The following CEP135 variants were observed in gnomAD, a reference collection of about 807,000 sequenced individuals.
CEP135 encodes the protein centrosomal protein 135, also known as centrosomal protein of 135 kDa.
Under a neutral mutation model 157.3 loss-of-function variants are expected in CEP135, and 142 were observed. The ratio of observed to expected loss-of-function variants is 0.90; its 90% confidence interval spans 0.79 to 1.04. The LOEUF is 1.04. Among genes scored for constraint, CEP135 ranks in the 50% least tolerant of loss-of-function variants. CEP135 has a pLI of 0.00. For missense variants in CEP135, 1,317 were observed against 1,309.2 expected (o/e 1.01, Z -0.09); for synonymous variants, 396 against 439.8 (o/e 0.90, Z 1.25).
At chr4:56,025,833 A>G (rs1731140644) in intron 25 of CEP135, among the ~76,000 whole-genome samples, 1 of 152,048 alleles carries the variant, frequency 6.6e-6, no homozygotes, top group Non-Finnish European at 1.5e-5. Flanking sequence ...GAAAGGTACC[A>G]TATCATAGAT....
intron 17 of CEP135, among the ~76,000 whole-genome samples, chr4:56,002,049 G>T (rs566945298): frequency 6.6e-6 from 1 of 152,060 alleles, no homozygotes; most frequent in African/African-American, 2.4e-5. Flanking sequence ...TTTTCAGATT[G>T]CTGGTGGAGT....
chr4:55,985,119 T>C (rs1450048631), intron 13 of CEP135, among the ~76,000 whole-genome samples, 162 bp from the exon 14 acceptor site: 1 of 152,224 alleles, frequency 6.6e-6, no homozygotes, highest in African/African-American at 2.4e-5. Context: ...ACCAAAAACA[T>C]CATTTTTGTA....
intron 10 of CEP135, among the ~76,000 whole-genome samples, chr4:55,972,123 C>G (rs1284950996): frequency 6.6e-6 from 1 of 151,892 alleles, no homozygotes; most frequent in African/African-American, 2.4e-5. Flanking sequence ...GCACTCCAGC[C>G]TGGGTGACAG....
intron 24 of CEP135, among the ~76,000 whole-genome samples, chr4:56,023,996 T>C (rs1274510027): frequency 2.8e-5 from 4 of 142,360 alleles, no homozygotes; most frequent in Non-Finnish European, 4.5e-5. Context: ...TTGTATGTTA[T>C]ATATTTATAA....
chr4:56,008,224 A>G (rs980297006), intron 17 of CEP135, 103 bp from the exon 18 acceptor site: 21 of 772,566 alleles, frequency 2.7e-5, no homozygotes, highest in Non-Finnish European at 4.3e-5. Context: ...CATACTTTAT[A>G]TAATTGAGCT....
intron 17 of CEP135, among the ~76,000 whole-genome samples, chr4:56,000,674 C>G (rs1317294861): frequency 2.0e-5 from 3 of 152,208 alleles, no homozygotes; most frequent in African/African-American, 7.2e-5. Context: ...GCATTTCATT[C>G]ATTTTCATGG....
Position 55,969,296 on chromosome 4 carries a change from G to A in CEP135, c.1110+168G>A, listed in dbSNP as rs565897275. Among the ~76,000 whole-genome samples the A allele has an allele frequency of 5.9e-5, 9 of 152,028 alleles. No individual in the cohort carries two copies. The East Asian group carries it at 1.2e-3, about 20-fold the overall frequency. ...ACAAAAATTAGCTGGGAGTGGTGGC[G>A]CATGCCTGTAATCCCTGCTACTTGG... On this transcript the variant is annotated intron_variant, in intron 9 of 25. Transcript: ENST00000257287.
intron 11 of CEP135, among the ~76,000 whole-genome samples, chr4:55,976,186 C>T (rs1729207732): frequency 2.0e-5 from 3 of 148,826 alleles, no homozygotes; most frequent in Admixed American, 6.8e-5. Context: ...CCCAGGAGTT[C>T]GAGGCTGCAG....
At chr4:56,005,995 C>CTCT (rs1378866143) in intron 17 of CEP135, among the ~76,000 whole-genome samples, 2 of 151,888 alleles carry the variant, frequency 1.3e-5, no homozygotes, top group African/African-American at 4.8e-5. Flanking sequence ...ATTTGCTTTT[C>CTCT]TCTTCTTGCT....
intron 15 of CEP135, among the ~76,000 whole-genome samples, chr4:55,997,155 C>T (rs928981869): frequency 6.6e-6 from 1 of 152,202 alleles, no homozygotes; most frequent in African/African-American, 2.4e-5. Context: ...TAATGGCAGT[C>T]ACTCAACTAT....
At position 55,974,866 on chromosome 4, in the gene CEP135, A is replaced by G. The variant is rs903021911; in HGVS notation, c.1370A>G (p.Tyr457Cys). Reference sequence around the variant, plus strand: ...GGTATAGAAGAAGAACGAGATTATTATAAGAAAGAGCTAGAGAGACTCCAA... The same window carrying G: ...GGTATAGAAGAAGAACGAGATTATTGTAAGAAAGAGCTAGAGAGACTCCAA... The part of the protein sequence containing the change: ...LKGIEEERDY[Y>C]KKELERLQHI... The change falls in exon 11 of 26, where the codon TAT (tyrosine) becomes TGT (cysteine). Residue 457 changes from tyrosine to cysteine, a missense_variant. Tyr to Cys is a radical substitution (Grantham distance 194). Transcript: ENST00000257287. 6 of 1,613,784 alleles carry G rather than the reference A, an allele frequency of 3.7e-6. No homozygotes were observed. Among genetic ancestry groups the G allele is most frequent in the Non-Finnish European group, 5.1e-6 (6 of 1,179,872 alleles).
chr4:56,016,996 A>T (rs941842057), intron 21 of CEP135, among the ~76,000 whole-genome samples: 2 of 151,768 alleles, frequency 1.3e-5, no homozygotes, highest in Non-Finnish European at 2.9e-5. Context: ...CAATAATTTT[A>T]TTTTTCAATG....
intron 13 of CEP135, among the ~76,000 whole-genome samples, chr4:55,982,672 A>G (rs191974111): frequency 2.0e-5 from 3 of 152,254 alleles, no homozygotes; most frequent in Admixed American, 2.0e-4. Flanking sequence ...ACAGCCCCTT[A>G]TTAGATATGT....
In CEP135 at chr4:56,009,888, G is replaced by A. The variant is rs770585333; in HGVS notation, c.2490G>A (p.Met830Ile). The A allele has an allele frequency of 1.2e-6, 2 of 1,612,820 alleles. No individual in the cohort carries two copies. Among genetic ancestry groups the A allele is most frequent in the East Asian group, 2.2e-5 (1 of 44,858 alleles). ...GACTGCAAGATGACCTGGCTACAAT[G>A]GCAAGAGAAAATCAAGTATGAACAC... ...NRRLQDDLATMARENQEISLE... is the reference protein window; with the variant it reads ...NRRLQDDLATIARENQEISLE... The change falls in exon 19 of 26, where the codon ATG becomes ATA. Residue 830 changes from methionine (M) to isoleucine (I), a missense_variant. Transcript: ENST00000257287.
chr4:55,949,632 C>A (rs1728294168), intron 1 of CEP135, among the ~76,000 whole-genome samples: 1 of 152,210 alleles, frequency 6.6e-6, no homozygotes, highest in African/African-American at 2.4e-5. Context: ...ATACATACAG[C>A]ATTAAATGTA....
chr4:55,971,969 G>A (rs899558608), intron 10 of CEP135, among the ~76,000 whole-genome samples: 2 of 152,012 alleles, frequency 1.3e-5, no homozygotes, highest in African/African-American at 4.8e-5. Flanking sequence ...TGGCTAACAT[G>A]GTGAAACCCC....
chr4:55,969,456 A>AAATT (rs1728952711), intron 9 of CEP135, among the ~76,000 whole-genome samples: 1 of 151,804 alleles, frequency 6.6e-6, no homozygotes, highest in Admixed American at 6.6e-5. Context: ...AAAGAAAAGA[A>AAATT]AATTTGTATG....
intron 21 of CEP135, among the ~76,000 whole-genome samples, chr4:56,012,453 C>CT (rs1730621092): frequency 6.6e-6 from 1 of 152,030 alleles, no homozygotes; most frequent in Non-Finnish European, 1.5e-5. Flanking sequence ...AAGCCCATTA[C>CT]TTTTTTTTGT....
At position 55,965,849 on chromosome 4, in the gene CEP135, G is replaced by C; in HGVS notation, c.1034G>C (p.Gly345Ala). 1 of 1,611,902 alleles carries C rather than the reference G, an allele frequency of 6.2e-7. No homozygotes were observed. The highest frequency in any genetic ancestry group is 8.5e-7 in the Non-Finnish European group (1 of 1,178,532). The part of the protein sequence containing the change: ...EVLETADKEL[G>A]EAKKEIKRKL... ...CTTGAGACTGCTGATAAAGAGCTTG[G>C]GGAAGCAAAGGTAATGAATGATATG... Residue 345 changes from glycine to alanine, a missense_variant, in exon 8 of 26, where the codon GGG (glycine) becomes GCG (alanine). Physicochemically the swap from Gly to Ala is moderately conservative, Grantham distance 60. Transcript: ENST00000257287.
Sources: allele counts gnomAD v4.1 joint callset (sites outside exome capture counted in the v4.1 genomes callset), GRCh38; gene constraint gnomAD v4.1.1; transcripts MANE v1.5; gene names NCBI Gene and HGNC (gene_info 2026-07-23, HGNC 2026-07-21).